Variants in TENM2 observed in about 807,000 individuals in gnomAD.
The protein encoded by TENM2 is teneurin-2.
TENM2 carries 52 observed loss-of-function variants against 245.2 expected under a neutral mutation model. That is an observed-to-expected ratio of 0.21 (90% CI 0.17 to 0.27). The LOEUF (loss-of-function observed/expected upper bound fraction) is 0.27, where lower values mean the gene tolerates loss of function less well. Among genes scored for constraint, TENM2 ranks in the 10% least tolerant of loss-of-function variants. The pLI is 1.00. For synonymous variants in TENM2, 1,363 were observed against 1,438.9 expected, an observed-to-expected ratio of 0.95 and a Z score of 1.19; for missense variants, 3,046 against 3,666.8, an observed-to-expected ratio of 0.83 and a Z score of 4.37.
In TENM2 at chr5:168,262,088, C is replaced by T; in HGVS notation, c.7603C>T (p.Gln2535Ter). Residue 2535 changes from glutamine (Q) to a stop codon, truncating the protein, a stop_gained, in exon 29 of 29, where the codon CAG becomes TAG. Coordinates refer to ENST00000518659, the Ensembl canonical transcript of TENM2. LOFTEE classifies it high-confidence loss of function. ...CCAACAGACAACAGAGAGACATAAC[C>T]AGGCCTTCATGGCTCTGGAAGGACA... The T allele has an allele frequency of 1.2e-6, 2 of 1,614,018 alleles. No individual in the cohort carries two copies. The highest frequency in any genetic ancestry group is 1.7e-6 in the Non-Finnish European group (2 of 1,179,902).
At chr5:168,091,199 A>C (rs1286800516) in intron 8 of TENM2, among the ~76,000 whole-genome samples, 1 of 152,226 alleles carries the variant, frequency 6.6e-6, no homozygotes, top group Non-Finnish European at 1.5e-5. Flanking sequence ...ATCAGCTCAG[A>C]ATTTTTCTTA....
chr5:168,210,167 T>G (rs1205041514), intron 19 of TENM2, among the ~76,000 whole-genome samples: 1 of 152,194 alleles, frequency 6.6e-6, no homozygotes, highest in Non-Finnish European at 1.5e-5. Context: ...TGTTGCCTGC[T>G]AAGCACCCAG....
chr5:167,332,326 T>G (rs1016463956), intron 1 of TENM2, among the ~76,000 whole-genome samples: 1 of 152,182 alleles, frequency 6.6e-6, no homozygotes, highest in Non-Finnish European at 1.5e-5. Flanking sequence ...CCTTTTTATG[T>G]TTTTGTTCTA....
At chr5:167,698,728 G>A (rs527797949) in intron 2 of TENM2, among the ~76,000 whole-genome samples, 49 of 127,180 alleles carry the variant, frequency 3.9e-4, no homozygotes, top group South Asian at 8.0e-4. Context: ...CTTTTGCCCC[G>A]GCTAGAGTGC....
chr5:167,909,454 G>A (rs1322681552), intron 3 of TENM2, among the ~76,000 whole-genome samples: 3 of 152,156 alleles, frequency 2.0e-5, no homozygotes, highest in African/African-American at 7.2e-5. Context: ...TGAAAGTATT[G>A]TTGCACTGCC....
intron 7 of TENM2, among the ~76,000 whole-genome samples, chr5:168,075,131 T>G (rs193004062): frequency 5.0e-4 from 76 of 152,284 alleles, no homozygotes; most frequent in Admixed American, 1.2e-3. Flanking sequence ...TGTATCATTC[T>G]TATGCCTTTG....
intron 1 of TENM2, among the ~76,000 whole-genome samples, chr5:167,304,264 C>T (rs1427145693): frequency 1.3e-5 from 2 of 152,310 alleles, no homozygotes; most frequent in Middle Eastern, 3.4e-3. Context: ...CATGATTAGG[C>T]ACCCACAACG....
intron 2 of TENM2, among the ~76,000 whole-genome samples, chr5:167,756,365 C>A (rs1762312989): frequency 1.3e-5 from 2 of 152,258 alleles, no homozygotes; most frequent in South Asian, 4.1e-4. Context: ...CATACACAGA[C>A]TTCTGTTGCT....
At chr5:167,112,244 A>T in the TENM2 span, among the ~76,000 whole-genome samples, 1 of 152,246 alleles carries the variant, frequency 6.6e-6, no homozygotes, top group Non-Finnish European at 1.5e-5. Flanking sequence ...GCAGAGCATG[A>T]ATACCACCGT....
chr5:167,629,941 A>G (rs547338319), intron 2 of TENM2, among the ~76,000 whole-genome samples: 1 of 152,076 alleles, frequency 6.6e-6, no homozygotes, highest in Non-Finnish European at 1.5e-5. Flanking sequence ...AAGAGGGGAA[A>G]TGGAACAATG....
chr5:167,434,722 A>T (rs947308105), intron 2 of TENM2, among the ~76,000 whole-genome samples: 1 of 152,142 alleles, frequency 6.6e-6, no homozygotes, highest in South Asian at 2.1e-4. Flanking sequence ...ATATGACAGG[A>T]CATTAAATTC....
intron 5 of TENM2, among the ~76,000 whole-genome samples, chr5:168,018,045 C>T (rs1269220406): frequency 6.6e-6 from 1 of 152,212 alleles, no homozygotes; most frequent in Non-Finnish European, 1.5e-5. Context: ...TTTGTTTAAG[C>T]TTAAACTTTA....
intron 5 of TENM2, among the ~76,000 whole-genome samples, chr5:168,003,834 C>A (rs528812052): frequency 6.6e-6 from 1 of 152,138 alleles, no homozygotes; most frequent in Non-Finnish European, 1.5e-5. Context: ...GCCTAATAGA[C>A]GAGAGTAATG....
chr5:167,008,654 T>G, the TENM2 span, among the ~76,000 whole-genome samples: 1 of 152,200 alleles, frequency 6.6e-6, no homozygotes, highest in Non-Finnish European at 1.5e-5. Flanking sequence ...GCATACATGT[T>G]GAAACGATTT....
intron 2 of TENM2, among the ~76,000 whole-genome samples, chr5:167,532,715 T>TATATATACACACAC (rs200854520): frequency 0.088 from 13,216 of 150,064 alleles, 1,681 homozygotes; most frequent in African/African-American, 0.28. Context: ...TCTATATATG[T>TATATATACACACAC]ATATATACAC....
chr5:167,926,952 A>G (rs534715782), intron 3 of TENM2, among the ~76,000 whole-genome samples: 38 of 152,302 alleles, frequency 2.5e-4, no homozygotes, highest in South Asian at 1.2e-3. Flanking sequence ...CTCAAATTAA[A>G]AACTTTAATT....
chr5:167,370,407 C>T (rs116717165), intron 1 of TENM2, among the ~76,000 whole-genome samples: 82 of 144,880 alleles, frequency 5.7e-4, no homozygotes, highest in Non-Finnish European at 9.3e-4. Flanking sequence ...ACTGTGGTTA[C>T]GATCAAGAAA....
chr5:167,570,710 A>G (rs1307213549), intron 2 of TENM2, among the ~76,000 whole-genome samples: 1 of 152,196 alleles, frequency 6.6e-6, no homozygotes, highest in Non-Finnish European at 1.5e-5. Flanking sequence ...AAAACAGCCT[A>G]AAGAAGAGCT....
chr5:168,191,041 C>T (rs1760907819), intron 14 of TENM2, among the ~76,000 whole-genome samples: 1 of 152,142 alleles, frequency 6.6e-6, no homozygotes, highest in African/African-American at 2.4e-5. Context: ...GAGCCAGAGA[C>T]TTTGTGTAGA....
Sources: allele counts gnomAD v4.1 joint callset (sites outside exome capture counted in the v4.1 genomes callset), GRCh38; gene constraint gnomAD v4.1.1; transcripts MANE v1.5; gene names NCBI Gene and HGNC (gene_info 2026-07-23, HGNC 2026-07-21).